MTA3: variants seen among roughly 807,000 people sequenced by gnomAD.
MTA3 encodes metastasis associated 1 family member 3.
Under a neutral mutation model 83.5 loss-of-function variants are expected in MTA3, and 34 were observed. The observed-to-expected ratio is 0.41, with a 90% CI of 0.31 to 0.54. The LOEUF (loss-of-function observed/expected upper bound fraction) is 0.54, where lower values mean the gene tolerates loss of function less well. Ranked by LOEUF, MTA3 falls within the 20% of genes least tolerant of loss-of-function variation. The pLI is 0.33. For missense variants in MTA3, 761 were observed against 726.4 expected (o/e 1.05, Z -0.55); for synonymous variants, 303 against 252.7 (o/e 1.20, Z -1.89).
chr2:42,560,214 G>A (rs1403434205), intron 2 of MTA3, among the ~76,000 whole-genome samples: 2 of 152,002 alleles, frequency 1.3e-5, no homozygotes, highest in African/African-American at 2.4e-5. Context: ...TAGAGATGGG[G>A]TTTCACCATT....
At chr2:42,536,161 T>A (rs1220936466) in intron 2 of MTA3, among the ~76,000 whole-genome samples, 1 of 145,614 alleles carries the variant, frequency 6.9e-6, no homozygotes, top group Non-Finnish European at 1.5e-5. Context: ...CACAACGGTC[T>A]CCCCCGGGCC....
intron 15 of MTA3, among the ~76,000 whole-genome samples, chr2:42,721,337 T>C (rs1266798279): frequency 6.6e-6 from 1 of 151,218 alleles, no homozygotes; most frequent in Non-Finnish European, 1.5e-5. Context: ...TTTCTTTTTT[T>C]TTTTTTTTGA....
chr2:42,616,707 T>C (rs1684940840), intron 4 of MTA3, among the ~76,000 whole-genome samples: 1 of 148,444 alleles, frequency 6.7e-6, no homozygotes, highest in Non-Finnish European at 1.5e-5. Flanking sequence ...GCCTCCTGCA[T>C]AGCTAGGATT....
chr2:42,706,541 A>G (rs900471507), intron 12 of MTA3, among the ~76,000 whole-genome samples: 1 of 152,222 alleles, frequency 6.6e-6, no homozygotes, highest in Non-Finnish European at 1.5e-5. Context: ...GTTAGTTGAT[A>G]TCTTCATGTG....
In MTA3 at chr2:42,704,240, G is replaced by T. The variant is rs780396972; in HGVS notation, c.1072G>T (p.Gly358Cys). 6.2e-7 allele frequency: 1 copy of T among 1,613,984 alleles called. No individual in the cohort carries two copies. The highest frequency in any genetic ancestry group is 8.5e-7 in the Non-Finnish European group (1 of 1,179,864). The change falls in exon 12 of 17, where the codon GGT becomes TGT. Residue 358 changes from glycine to cysteine, a missense_variant. By Grantham distance (159) the Gly-to-Cys change is radical (BLOSUM62 -3). Transcript: ENST00000405094. Reference protein sequence around the residue: ...NQISTSNGKPGAVNGAVGTTF... With the variant: ...NQISTSNGKPCAVNGAVGTTF... ...AATATCCACTAGTAATGGGAAGCCT[G>T]GTGCTGTGAATGGAGCTGTGGGGAC...
chr2:42,559,441 G>T (rs556234690), intron 2 of MTA3, among the ~76,000 whole-genome samples: 1 of 150,844 alleles, frequency 6.6e-6, no homozygotes, highest in Non-Finnish European at 1.5e-5. Flanking sequence ...GGCGGAGGCC[G>T]CAGTAAGCCG....
intron 9 of MTA3, among the ~76,000 whole-genome samples, chr2:42,692,060 CCT>C (rs1200377474): frequency 6.6e-6 from 1 of 151,990 alleles, no homozygotes; most frequent in Non-Finnish European, 1.5e-5. Context: ...TCTTCCTGCC[CCT>C]CTTTCTCTAC....
intron 2 of MTA3, among the ~76,000 whole-genome samples, chr2:42,577,105 A>AAAAAAATATAT (rs1211189566): frequency 8.1e-5 from 7 of 86,950 alleles, no homozygotes; most frequent in African/African-American, 3.8e-4. Flanking sequence ...AAAAAAAAAA[A>AAAAAAATATAT]ATATATATAT....
chr2:42,668,200 G>A (rs899020599), intron 8 of MTA3, among the ~76,000 whole-genome samples: 1 of 152,168 alleles, frequency 6.6e-6, no homozygotes, highest in African/African-American at 2.4e-5. Flanking sequence ...AGGCAGTTGG[G>A]GGCTCCTTTT....
rs1312694070 is a variant in MTA3, at chr2:42,505,714, G to C, written c.-141+10460G>C. Among the ~76,000 whole-genome samples, 9 of 151,804 alleles carry C rather than the reference G, an allele frequency of 5.9e-5. No homozygotes were observed. The East Asian group carries it at 1.7e-3, about 29-fold the overall frequency. Reference sequence around the variant, plus strand: ...CTGATATGTACTTCAGAACAACCAAGAGCAAGGGCAAGTGGGTGGGAATAT... The same window carrying C: ...CTGATATGTACTTCAGAACAACCAACAGCAAGGGCAAGTGGGTGGGAATAT... On this transcript the variant is annotated intron_variant, in intron 2 of 17. Coordinates refer to the MTA3 transcript ENST00000405592.
At chr2:42,499,895 T>G (rs965027183) in intron 2 of MTA3, among the ~76,000 whole-genome samples, 1 of 151,900 alleles carries the variant, frequency 6.6e-6, no homozygotes, top group South Asian at 2.1e-4. Flanking sequence ...CCCAAGAAGT[T>G]GTATACATGA....
At chr2:42,651,390 C>T (rs766235646) in intron 6 of MTA3, among the ~76,000 whole-genome samples, 8 of 151,998 alleles carry the variant, frequency 5.3e-5, no homozygotes, top group Non-Finnish European at 1.2e-4. Context: ...ATTTTTTTAA[C>T]TTTTTGACTC....
At chr2:42,687,609 G>T (rs940828335) in intron 9 of MTA3, among the ~76,000 whole-genome samples, 1 of 152,130 alleles carries the variant, frequency 6.6e-6, no homozygotes, top group Non-Finnish European at 1.5e-5. Context: ...ATAACTATAT[G>T]TTTAACTTTA....
chr2:42,523,914 T>A (rs1470512030), intron 2 of MTA3, among the ~76,000 whole-genome samples: 3 of 151,974 alleles, frequency 2.0e-5, no homozygotes, highest in African/African-American at 7.3e-5. Context: ...CAGACCCTGT[T>A]TCTAAAATAA....
At chr2:42,753,199 G>C (rs533524121) in intron 16 of MTA3, among the ~76,000 whole-genome samples, 175 bp from the exon 17 acceptor site, 61 of 152,328 alleles carry the variant, frequency 4.0e-4, no homozygotes, top group African/African-American at 1.4e-3. Flanking sequence ...AAAGTGCTGG[G>C]ATTATGGGCA....
Position 42,548,878 on chromosome 2 carries a change from T to TATATATATA in MTA3, c.-140-21558_-140-21550dup, listed in dbSNP as rs1676931584. On this transcript the variant is annotated intron_variant, in intron 2 of 17. Coordinates refer to the MTA3 transcript ENST00000405592. ...ATATATAATATATATATATATATAA[T>TATATATATA]ATATATATATATATCAGCGGGCACG... 3.0e-3 allele frequency among the ~76,000 whole-genome samples: 34 copies of TATATATATA among 11,284 alleles called. 2 individuals are homozygous for TATATATATA. The highest frequency in any genetic ancestry group is 0.014 in the South Asian group (5 of 366). The allele number at this position is 11,284 out of a possible 152,430, so 7.4% of individuals were successfully genotyped here.
At chr2:42,664,529 A>C (rs1391920972) in intron 8 of MTA3, among the ~76,000 whole-genome samples, 1 of 119,112 alleles carries the variant, frequency 8.4e-6, no homozygotes. Context: ...GCTGGAGTGC[A>C]GTGGCGTGAT....
chr2:42,725,816 A>T (rs1033082825), intron 16 of MTA3, among the ~76,000 whole-genome samples: 6 of 152,176 alleles, frequency 3.9e-5, no homozygotes, highest in Admixed American at 2.0e-4. Flanking sequence ...CTGGTGTGAC[A>T]CAGAGCCAGA....
intron 16 of MTA3, among the ~76,000 whole-genome samples, chr2:42,727,726 C>T (rs1322603235): frequency 6.6e-6 from 1 of 151,948 alleles, no homozygotes; most frequent in Non-Finnish European, 1.5e-5. Context: ...GTTTTCTCCT[C>T]TATAAATCTG....
Sources: allele counts gnomAD v4.1 joint callset (sites outside exome capture counted in the v4.1 genomes callset), GRCh38; gene constraint gnomAD v4.1.1; transcripts MANE v1.5; gene names NCBI Gene and HGNC (gene_info 2026-07-23, HGNC 2026-07-21).